The following CD151 variants were observed in gnomAD, a reference collection of about 807,000 sequenced individuals.
CD151 encodes CD151 molecule (Raph blood group), also known as CD151 antigen.
Under a neutral mutation model 34.2 loss-of-function variants are expected in CD151, and 20 were observed. That is an observed-to-expected ratio of 0.58 (90% CI 0.41 to 0.85). The LOEUF is 0.85. Ranked by LOEUF, CD151 falls within the 40% of genes least tolerant of loss-of-function variation. The pLI, the probability that CD151 is intolerant of heterozygous loss-of-function variation, is 0.00. For missense variants in CD151, 306 were observed against 324.5 expected (o/e 0.94, Z 0.44); for synonymous variants, 157 against 131.7 (o/e 1.19, Z -1.32).
rs151010219 is a variant in CD151 at position 837,549 on chromosome 11, C to T, written c.546C>T (p.Asp182=). The change falls in exon 7 of 9, where the codon GAC becomes GAT. Residue 182 remains aspartate, a synonymous_variant. Coordinates refer to ENST00000397420, the MANE Select transcript of CD151 (RefSeq NM_004357.5). Reference sequence around the variant, plus strand: ...AGGCCGGTGGCCGTGTGGTCCCAGACAGCTGCTGCAAGACGGTGGTGGCTC... The same window carrying T: ...AGGCCGGTGGCCGTGTGGTCCCAGATAGCTGCTGCAAGACGGTGGTGGCTC... ...SQEAGGRVVP[D]SCCKTVVALC... is the part of the protein sequence containing the mutation. 170 of 1,613,166 alleles carry T rather than the reference C, an allele frequency of 1.1e-4. No homozygotes were observed. The Admixed American group carries it at 1.2e-3, about 12-fold the overall frequency.
rs961306491 is a variant in CD151 at position 838,517 on chromosome 11, C to T, written c.*325C>T. ...CCAGCAGGGGGAGAAACCCTTCACA[C>T]CCCAGGCCCTTCAGGAACTGGGGCC... On this transcript the variant is annotated 3_prime_UTR_variant, in exon 9 of 9. Coordinates refer to ENST00000397420, the MANE Select transcript of CD151 (RefSeq NM_004357.5). The T allele has an allele frequency of 1.3e-5, 6 of 468,814 alleles. No individual in the cohort carries two copies. The highest frequency in any genetic ancestry group is 3.9e-5 in the African/African-American group (2 of 51,092). 29.0% of individuals were successfully genotyped at this position (468,814 alleles called of 1,614,324 possible). A position where few individuals can be genotyped will look rare whatever the true frequency, so the allele number is the denominator to read the frequency against.
At chr11:836,900 C>T in intron 5 of CD151, 57 bp downstream of exon 5, 1 of 1,432,472 alleles carries the variant, frequency 7.0e-7, no homozygotes, top group Non-Finnish European at 9.8e-7. Context: ...GGGGCGGACA[C>T]ACACACATGC....
chr11:833,278 G>A (rs967290355), intron 1 of CD151, among the ~76,000 whole-genome samples: 5 of 152,270 alleles, frequency 3.3e-5, no homozygotes, highest in Admixed American at 2.6e-4. Context: ...GGCGCAGCGG[G>A]AAGGAGAGGC....
In CD151 at chr11:837,479, A is replaced by G. The variant is rs760054453; in HGVS notation, c.476A>G (p.Asn159Ser). The change falls in exon 7 of 9, where the codon AAC becomes AGC. Residue 159 changes from asparagine to serine, a missense_variant. Physicochemically the swap from Asn to Ser is conservative, Grantham distance 46 (BLOSUM62 1). Coordinates refer to ENST00000397420, the MANE Select transcript of CD151 (RefSeq NM_004357.5). ...ATGCAGTTCCACTGCTGTGGCAGCA[A>G]CAACTCACAGGACTGGCGAGACAGT... is the stretch of plus-strand genomic sequence containing the variant. ...LQQEFHCCGSNNSQDWRDSEW... is the reference protein window; with the variant it reads ...LQQEFHCCGSSNSQDWRDSEW... The G allele has an allele frequency of 7.4e-6, 12 of 1,612,860 alleles. No homozygotes were observed. In the East Asian group the frequency reaches 8.9e-5, roughly 12 times the overall value.
At position 836,338 on chromosome 11, in the gene CD151, C is replaced by T. The variant is rs138731111; in HGVS notation, c.172C>T (p.Leu58=). The T allele has an allele frequency of 6.2e-6, 10 of 1,612,624 alleles. No homozygotes were observed. The African/African-American group carries it at 1.1e-4, about 17-fold the overall frequency. Residue 58 remains leucine, a synonymous_variant, in exon 4 of 9, where the codon CTG becomes TTG. Coordinates refer to ENST00000397420, the MANE Select transcript of CD151 (RefSeq NM_004357.5). ...YISLLASGTY[L]ATAYILVVAG... is the part of the protein sequence containing the mutation. Reference sequence around the variant, plus strand: ...CAGCCTGCTGGCCTCAGGCACCTACCTGGCCACAGCCTACATCCTGGTGGT... The same window carrying T: ...CAGCCTGCTGGCCTCAGGCACCTACTTGGCCACAGCCTACATCCTGGTGGT...
chr11:836,460 C>A lies in CD151; in HGVS notation c.276+18C>A, dbSNP rs948798762. The stretch of plus-strand genomic sequence containing the variant: ...TGCGCCTGGTCAGGAGGGCGCAGGG[C>A]CACGGGGTGGGGGTGGTGCAGATGG... On this transcript the variant is annotated intron_variant, in intron 4 of 8. Coordinates refer to ENST00000397420, the MANE Select transcript of CD151 (RefSeq NM_004357.5). 3.4e-5 allele frequency: 54 copies of A among 1,577,682 alleles called. No individual in the cohort carries two copies. Among genetic ancestry groups the A allele is most frequent in the Non-Finnish European group, 4.5e-5 (52 of 1,160,670 alleles).
chr11:833,228 C>T (rs1846600815), intron 1 of CD151, among the ~76,000 whole-genome samples: 1 of 151,664 alleles, frequency 6.6e-6, no homozygotes, highest in Middle Eastern at 3.4e-3. Context: ...GCTCCCTCGC[C>T]TGCCCTTCCG....
chr11:835,978 C>T (rs559346414), intron 2 of CD151, 85 bp from the exon 3 acceptor site: 73 of 796,622 alleles, frequency 9.2e-5, no homozygotes, highest in South Asian at 6.0e-4. Flanking sequence ...TGAGCCACCG[C>T]GCCTGGCCCT....
rs955743899 is a variant in CD151 at position 838,352 on chromosome 11, A to G, written c.*160A>G. The stretch of plus-strand genomic sequence containing the variant: ...TTCAAGTGCCTTTTGCTGCGCACCA[A>G]TGCCCAGCAGGGGAGGTGAGGGGGG... On this transcript the variant is annotated 3_prime_UTR_variant, in exon 9 of 9. Transcript: ENST00000397420. 6.5e-5 allele frequency: 34 copies of G among 526,802 alleles called. 1 individual carries two copies. The highest frequency in any genetic ancestry group is 1.4e-4 in the African/African-American group (7 of 51,030). The allele number at this position is 526,802 out of a possible 1,614,324, so 32.6% of individuals were successfully genotyped here.
At chr11:834,283 C>T (rs1196963325) in intron 1 of CD151, among the ~76,000 whole-genome samples, 1 of 152,158 alleles carries the variant, frequency 6.6e-6, no homozygotes, top group Non-Finnish European at 1.5e-5. Context: ...TGCTTGAACT[C>T]AGGAGGCGGA....
chr11:833,819 C>CCCCCAT (rs1565115644), intron 1 of CD151, among the ~76,000 whole-genome samples: 11 of 84,892 alleles, frequency 1.3e-4, no homozygotes, highest in East Asian at 1.1e-3. Flanking sequence ...GACGCACACC[C>CCCCCAT]CGCCCCCCGG....
At position 838,132 on chromosome 11, in the gene CD151, G is replaced by A. The variant is rs1479477308; in HGVS notation, c.703-1G>A. On this transcript the variant is annotated splice_acceptor_variant, in intron 8 of 8. Coordinates refer to ENST00000397420, the MANE Select transcript of CD151 (RefSeq NM_004357.5). LOFTEE classifies it high-confidence loss of function. ...TTACGCCCACCCGGCTCTGCACACA[G>A]GTCTTTGGCATGATCTTCACGTGCT... 6.2e-7 allele frequency: 1 copy of A among 1,613,170 alleles called. No homozygotes were observed. Among genetic ancestry groups the A allele is most frequent in the Admixed American group, 1.7e-5 (1 of 60,018 alleles).
chr11:837,938 GCA>G lies in CD151; in HGVS notation c.616-3_616-2del. Reference sequence around the variant, plus strand: ...CGCCTTCAACACCCATCCGCGCCCCGCAGGGCGGCTGCATCACCAAGTTGGAG... The same window carrying G: ...CGCCTTCAACACCCATCCGCGCCCCGGGGCGGCTGCATCACCAAGTTGGAG... On this transcript the variant is annotated splice_acceptor_variant and splice_polypyrimidine_tract_variant and intron_variant, in intron 7 of 8. Transcript: ENST00000397420. LOFTEE classifies it high-confidence loss of function. 1 of 1,610,158 alleles carries G rather than the reference GCA, an allele frequency of 6.2e-7. No individual in the cohort carries two copies. The highest frequency in any genetic ancestry group is 8.5e-7 in the Non-Finnish European group (1 of 1,178,258).
chr11:838,698 C>T lies in CD151; in HGVS notation c.*506C>T, dbSNP rs370378803. ...GCAGTCACCACCACCCGAAATGCCA[C>T]GTGGTCACTGTGCACTGCCCTGTTC... On this transcript the variant is annotated 3_prime_UTR_variant, in exon 9 of 9. Transcript: ENST00000397420. 9 of 199,640 alleles carry T rather than the reference C, an allele frequency of 4.5e-5. No homozygotes were observed. Among genetic ancestry groups the T allele is most frequent in the Admixed American group, 1.1e-4 (2 of 18,176 alleles). 12.4% of individuals were successfully genotyped at this position (199,640 alleles called of 1,614,324 possible). A position where few individuals can be genotyped will look rare whatever the true frequency, so the allele number is the denominator to read the frequency against.
At chr11:834,029 G>C (rs949710522) in intron 1 of CD151, 1 of 152,460 alleles carries the variant, frequency 6.6e-6, no homozygotes, top group African/African-American at 2.4e-5. Context: ...CCAGTGATGG[G>C]TCTGGAGCGA....
chr11:837,611 A>G lies in CD151; in HGVS notation c.608A>G (p.Lys203Arg), dbSNP rs2133962314. Reference protein sequence around the residue: ...GQRDHASNIYKVEGGCITKLE... With the variant: ...GQRDHASNIYRVEGGCITKLE... ...CGAGACCATGCCTCCAACATCTACA[A>G]GGTGGAGGTGGGTGTGCAGCGGGAT... The change falls in exon 7 of 9, where the codon AAG becomes AGG. Residue 203 changes from lysine (K) to arginine (R), a missense_variant. Transcript: ENST00000397420. 2 of 1,611,838 alleles carry G rather than the reference A, an allele frequency of 1.2e-6. No homozygotes were observed. The highest frequency in any genetic ancestry group is 1.7e-6 in the Non-Finnish European group (2 of 1,179,480).
At chr11:836,663 C>A in intron 4 of CD151, 106 bp from the exon 5 acceptor site, 1 of 1,136,850 alleles carries the variant, frequency 8.8e-7, no homozygotes, top group Non-Finnish European at 1.3e-6. Context: ...CGCCCCTCAG[C>A]CCCCACCTGG....
At chr11:834,278 G>C (rs748265657) in intron 1 of CD151, among the ~76,000 whole-genome samples, 1 of 152,150 alleles carries the variant, frequency 6.6e-6, no homozygotes, top group Non-Finnish European at 1.5e-5. Flanking sequence ...AGAATTGCTT[G>C]AACTCAGGAG....
Position 836,351 on chromosome 11 carries a change from A to C in CD151, c.185A>C (p.Tyr62Ser), listed in dbSNP as rs866886079. The change falls in exon 4 of 9, where the codon TAC becomes TCC. Residue 62 changes from tyrosine to serine, a missense_variant. Coordinates refer to ENST00000397420, the MANE Select transcript of CD151 (RefSeq NM_004357.5). ...TCAGGCACCTACCTGGCCACAGCCT[A>C]CATCCTGGTGGTGGCGGGCACTGTC... The part of the protein sequence containing the change: ...LASGTYLATA[Y>S]ILVVAGTVVM... 1 of 1,612,436 alleles carries C rather than the reference A, an allele frequency of 6.2e-7. No homozygotes were observed. Among genetic ancestry groups the C allele is most frequent in the African/African-American group, 1.3e-5 (1 of 74,932 alleles).
Sources: allele counts gnomAD v4.1 joint callset (sites outside exome capture counted in the v4.1 genomes callset), GRCh38; gene constraint gnomAD v4.1.1; transcripts MANE v1.5; gene names NCBI Gene and HGNC (gene_info 2026-07-23, HGNC 2026-07-21).